Variants in UNC13C observed in about 807,000 individuals in gnomAD.
UNC13C encodes the protein unc-13 homolog C.
In UNC13C, 174 loss-of-function variants were observed where a neutral mutation model predicts 245.4. That is an observed-to-expected ratio of 0.71 (90% confidence interval 0.63 to 0.80). The LOEUF is 0.80. Ranked by LOEUF, UNC13C falls within the 30% of genes least tolerant of loss-of-function variation. The pLI is 0.00. For missense variants in UNC13C, 2,829 were observed against 2,602.9 expected, an observed-to-expected ratio of 1.09 and a Z score of -1.89; for synonymous variants, 992 against 895.1, an observed-to-expected ratio of 1.11 and a Z score of -1.93.
In UNC13C at chr15:54,263,223, C is replaced by T. The variant is rs115461726; in HGVS notation, c.3449-945C>T. ...TATTTTCACTGTATTTCAGTTGCTTCTGTACCAAAAAAAGTTTGATTTTAG... is the reference window on the plus strand; with the variant it reads ...TATTTTCACTGTATTTCAGTTGCTTTTGTACCAAAAAAAGTTTGATTTTAG... On this transcript the variant is annotated intron_variant, in intron 8 of 32. Transcript: ENST00000260323. 1.7e-3 allele frequency among the ~76,000 whole-genome samples: 253 copies of T among 152,250 alleles called. 1 individual carries two copies. The highest frequency in any genetic ancestry group is 5.8e-3 in the African/African-American group (243 of 41,566).
the UNC13C span, among the ~76,000 whole-genome samples, chr15:53,935,823 C>T: frequency 6.6e-6 from 1 of 152,096 alleles, no homozygotes; most frequent in Non-Finnish European, 1.5e-5. Context: ...GAACAGGAGA[C>T]CCCCTTGTGA....
At chr15:54,153,881 C>T (rs1197085085) in intron 4 of UNC13C, among the ~76,000 whole-genome samples, 1 of 151,764 alleles carries the variant, frequency 6.6e-6, no homozygotes, top group Non-Finnish European at 1.5e-5. Context: ...TATTGAAATG[C>T]CTCAGGAATT....
intron 2 of UNC13C, among the ~76,000 whole-genome samples, chr15:54,033,390 C>A (rs1440005102): frequency 6.6e-6 from 1 of 152,008 alleles, no homozygotes; most frequent in South Asian, 2.1e-4. Context: ...AATTAAATGA[C>A]AAGAAAAAAT....
intron 19 of UNC13C, among the ~76,000 whole-genome samples, chr15:54,458,069 A>T (rs8033437): frequency 6.6e-6 from 1 of 151,324 alleles, no homozygotes. Flanking sequence ...TATCCCACAG[A>T]TTTTTATTGG....
intron 17 of UNC13C, among the ~76,000 whole-genome samples, chr15:54,372,523 A>C (rs1413458019): frequency 6.6e-6 from 1 of 152,204 alleles, no homozygotes; most frequent in Non-Finnish European, 1.5e-5. Flanking sequence ...GCTTCTGTCA[A>C]TGATTCCTTT....
At chr15:54,512,173 A>G (rs888444592) in intron 24 of UNC13C, among the ~76,000 whole-genome samples, 11 of 152,134 alleles carry the variant, frequency 7.2e-5, no homozygotes, top group African/African-American at 2.7e-4. Flanking sequence ...GTCTTGTACA[A>G]TGTCAGCTTG....
chr15:54,508,248 G>A (rs1361631698), intron 23 of UNC13C, among the ~76,000 whole-genome samples: 2 of 151,904 alleles, frequency 1.3e-5, no homozygotes, highest in Non-Finnish European at 2.9e-5. Context: ...AATCAAAACA[G>A]TATCTGATAA....
intron 19 of UNC13C, among the ~76,000 whole-genome samples, chr15:54,459,176 C>T (rs978225413): frequency 6.6e-6 from 1 of 152,158 alleles, no homozygotes; most frequent in Admixed American, 6.5e-5. Flanking sequence ...ATAAAACATT[C>T]TTGGCTGATA....
At chr15:54,158,435 T>G (rs2032841336) in intron 4 of UNC13C, among the ~76,000 whole-genome samples, 1 of 151,680 alleles carries the variant, frequency 6.6e-6, no homozygotes, top group South Asian at 2.1e-4. Context: ...TTCTCACCAT[T>G]CTCCACCTCA....
the UNC13C span, among the ~76,000 whole-genome samples, chr15:53,899,679 C>T: frequency 1.3e-5 from 2 of 152,168 alleles, no homozygotes; most frequent in Admixed American, 1.3e-4. Flanking sequence ...ATTCTCCTGC[C>T]TCAGCCTCCC....
chr15:54,615,859 G>C, intron 30 of UNC13C, among the ~76,000 whole-genome samples: 1 of 151,966 alleles, frequency 6.6e-6, no homozygotes, highest in Admixed American at 6.6e-5. Context: ...TCAGTGGAAA[G>C]AATCCAGAAC....
chr15:54,186,677 C>A (rs2033994849), intron 4 of UNC13C, among the ~76,000 whole-genome samples: 1 of 151,656 alleles, frequency 6.6e-6, no homozygotes, highest in South Asian at 2.1e-4. Flanking sequence ...TGGATCAATA[C>A]CCACTCCATG....
chr15:54,572,768 T>A (rs749846016), intron 30 of UNC13C, among the ~76,000 whole-genome samples: 8 of 152,174 alleles, frequency 5.3e-5, no homozygotes, highest in African/African-American at 7.2e-5. Flanking sequence ...GGGAAATTAC[T>A]GTTTCAAACT....
the UNC13C span, among the ~76,000 whole-genome samples, chr15:53,840,114 AT>A: frequency 2.6e-5 from 4 of 152,112 alleles, no homozygotes. Context: ...CTCTGCTAAG[AT>A]TCCAATTCCT....
upstream of UNC13C, among the ~76,000 whole-genome samples, chr15:53,974,139 A>G (rs1327449239): frequency 2.6e-5 from 4 of 152,228 alleles, no homozygotes; most frequent in Non-Finnish European, 5.9e-5. Flanking sequence ...ATAAGTATCA[A>G]ATAAGAAAAT....
intron 17 of UNC13C, among the ~76,000 whole-genome samples, chr15:54,346,053 T>C (rs2038853144): frequency 6.6e-6 from 1 of 152,184 alleles, no homozygotes; most frequent in Non-Finnish European, 1.5e-5. Context: ...ATTCTCATAA[T>C]ACCCTGACAT....
At chr15:54,226,955 C>T (rs748239170) in intron 4 of UNC13C, among the ~76,000 whole-genome samples, 62 of 152,206 alleles carry the variant, frequency 4.1e-4, no homozygotes, top group Non-Finnish European at 7.6e-4. Flanking sequence ...TCATTACCCA[C>T]AGCGTGGCAA....
At chr15:54,444,889 A>G (rs1316880794) in intron 19 of UNC13C, among the ~76,000 whole-genome samples, 1 of 151,940 alleles carries the variant, frequency 6.6e-6, no homozygotes, top group Non-Finnish European at 1.5e-5. Context: ...ATATGTATAC[A>G]TGTGCCGTGT....
rs113172753 is a variant in UNC13C at position 54,438,349 on chromosome 15, A to C, written c.4933+23282A>C. Among the ~76,000 whole-genome samples, 600 of 152,098 alleles carry C rather than the reference A, an allele frequency of 3.9e-3. 4 individuals carry two copies. The highest frequency in any genetic ancestry group is 0.014 in the African/African-American group (576 of 41,530). ...CCAACTGTTTGCTCTTCTTCTAGTA[A>C]AGACTACAAGATATGTCCATGTCTA... On this transcript the variant is annotated intron_variant, in intron 19 of 32. Coordinates refer to ENST00000260323, the MANE Select transcript of UNC13C (RefSeq NM_001080534.3).
Sources: allele counts gnomAD v4.1 joint callset (sites outside exome capture counted in the v4.1 genomes callset), GRCh38; gene constraint gnomAD v4.1.1; transcripts MANE v1.5; gene names NCBI Gene and HGNC (gene_info 2026-07-23, HGNC 2026-07-21).